DLGAP2: variants seen among roughly 807,000 people sequenced by gnomAD.
The protein encoded by DLGAP2 is disks large-associated protein 2.
DLGAP2 carries 26 observed loss-of-function variants against 100.3 expected under a neutral mutation model. The observed-to-expected ratio is 0.26, with a 90% CI of 0.19 to 0.36. DLGAP2 has a LOEUF of 0.36. Among genes scored for constraint, DLGAP2 ranks in the 10% least tolerant of loss-of-function variants. The probability of loss-of-function intolerance (pLI) is 1.00; values close to 1 mark genes in which losing one functional copy is unlikely to be tolerated. For synonymous variants in DLGAP2, 886 were observed against 630.1 expected, an observed-to-expected ratio of 1.41 and a Z score of -6.08; for missense variants, 1,858 against 1,453.2, an observed-to-expected ratio of 1.28 and a Z score of -4.53.
intron 2 of DLGAP2, among the ~76,000 whole-genome samples, chr8:1,151,543 G>A (rs945638250): frequency 2.6e-5 from 4 of 152,192 alleles, no homozygotes; most frequent in Non-Finnish European, 5.9e-5. Context: ...CAGGCTTTCC[G>A]TCTCTGACGA....
chr8:846,241 C>G (rs972319438), intron 1 of DLGAP2, among the ~76,000 whole-genome samples: 2 of 152,166 alleles, frequency 1.3e-5, no homozygotes, highest in African/African-American at 4.8e-5. Context: ...CTTAGTCTTC[C>G]TATCTAACTG....
At chr8:1,194,410 G>A (rs1415925659) in intron 2 of DLGAP2, among the ~76,000 whole-genome samples, 1 of 152,278 alleles carries the variant, frequency 6.6e-6, no homozygotes, top group East Asian at 1.9e-4. Context: ...ACCGTGTCTA[G>A]GCAGAGCTGG....
intron 3 of DLGAP2, among the ~76,000 whole-genome samples, chr8:1,323,014 G>T (rs144616389): frequency 6.6e-6 from 1 of 151,628 alleles, no homozygotes; most frequent in African/African-American, 2.4e-5. Flanking sequence ...AGTAGATGTT[G>T]ACACTGTTAA....
At chr8:1,116,896 A>C (rs1805134948) in intron 2 of DLGAP2, among the ~76,000 whole-genome samples, 1 of 152,248 alleles carries the variant, frequency 6.6e-6, no homozygotes, top group Non-Finnish European at 1.5e-5. Context: ...AACACAGTTG[A>C]TGGGAAGACA....
intron 2 of DLGAP2, among the ~76,000 whole-genome samples, chr8:1,001,386 C>T (rs1800951180): frequency 6.6e-6 from 1 of 152,190 alleles, no homozygotes; most frequent in South Asian, 2.1e-4. Flanking sequence ...TAATTTTTAT[C>T]CTTTTTAGGC....
intron 3 of DLGAP2, among the ~76,000 whole-genome samples, chr8:1,449,496 G>A (rs1015239716): frequency 6.6e-6 from 1 of 152,182 alleles, no homozygotes; most frequent in African/African-American, 2.4e-5. Flanking sequence ...GCATGGACCT[G>A]GGATGTCAGA....
intron 1 of DLGAP2, among the ~76,000 whole-genome samples, chr8:842,590 T>A (rs1003484611): frequency 1.3e-5 from 2 of 150,828 alleles, no homozygotes; most frequent in African/African-American, 4.9e-5. Context: ...AGTCAAACTT[T>A]TAAGTTTTCA....
intron 6 of DLGAP2, among the ~76,000 whole-genome samples, chr8:1,572,415 G>A (rs528489520): frequency 1.8e-4 from 26 of 142,306 alleles, no homozygotes; most frequent in African/African-American, 6.4e-4. Context: ...GGTGAACTGT[G>A]GGGGCATCTG....
chr8:1,672,111 T>C (rs1444141262), intron 10 of DLGAP2, among the ~76,000 whole-genome samples: 1 of 152,238 alleles, frequency 6.6e-6, no homozygotes, highest in Non-Finnish European at 1.5e-5. Context: ...TCCCAGATAC[T>C]GCGGTTAGGA....
intron 1 of DLGAP2, among the ~76,000 whole-genome samples, chr8:805,138 G>A (rs10102826): frequency 0.99 from 151,227 of 152,334 alleles, 75,076 homozygotes; most frequent in Middle Eastern, 1. Flanking sequence ...TTGCCCCCTA[G>A]GCAAACTATT....
intron 8 of DLGAP2, among the ~76,000 whole-genome samples, chr8:1,634,384 G>T (rs1054235960): frequency 3.9e-5 from 6 of 152,164 alleles, no homozygotes; most frequent in African/African-American, 1.2e-4. Context: ...GTACGAGGGA[G>T]GGTGGTGCCC....
At chr8:882,875 G>T (rs1049403412) in intron 1 of DLGAP2, among the ~76,000 whole-genome samples, 2 of 152,264 alleles carry the variant, frequency 1.3e-5, no homozygotes, top group Admixed American at 1.3e-4. Context: ...CTTCTCGGCT[G>T]CTCACGCTGC....
chr8:1,196,419 T>C (rs1192741759), intron 2 of DLGAP2, among the ~76,000 whole-genome samples: 1 of 152,188 alleles, frequency 6.6e-6, no homozygotes, highest in Non-Finnish European at 1.5e-5. Flanking sequence ...AGGTGTGTGA[T>C]GTTAATGCTG....
At chr8:976,300 A>G (rs916258752) in intron 2 of DLGAP2, among the ~76,000 whole-genome samples, 3 of 152,166 alleles carry the variant, frequency 2.0e-5, no homozygotes, top group African/African-American at 7.2e-5. Flanking sequence ...ATAGAACACA[A>G]TGGAAAGCCC....
At chr8:1,106,244 G>A (rs1476003178) in intron 2 of DLGAP2, among the ~76,000 whole-genome samples, 1 of 150,938 alleles carries the variant, frequency 6.6e-6, no homozygotes, top group Non-Finnish European at 1.5e-5. Flanking sequence ...ATTCTAGGAG[G>A]GTTTTCTATT....
chr8:917,394 A>G (rs1798617259), intron 2 of DLGAP2, among the ~76,000 whole-genome samples: 1 of 151,946 alleles, frequency 6.6e-6, no homozygotes, highest in South Asian at 2.1e-4. Flanking sequence ...GTGCGCCACC[A>G]CACCCAGCTA....
At chr8:763,039 T>G (rs955983854) in intron 1 of DLGAP2, among the ~76,000 whole-genome samples, 6 of 151,826 alleles carry the variant, frequency 4.0e-5, no homozygotes, top group African/African-American at 1.5e-4. Flanking sequence ...TTGCAATACT[T>G]CACGAGTTAT....
chr8:1,425,590 C>G (rs530687516), intron 3 of DLGAP2, among the ~76,000 whole-genome samples: 30 of 152,292 alleles, frequency 2.0e-4, no homozygotes, highest in Admixed American at 2.0e-3. Flanking sequence ...GTGGACCTCT[C>G]CAGATCCCGG....
chr8:1,501,632 G>C (rs1251043280), intron 4 of DLGAP2, among the ~76,000 whole-genome samples: 1 of 152,208 alleles, frequency 6.6e-6, no homozygotes, highest in Non-Finnish European at 1.5e-5. Flanking sequence ...GTGAGGAAGG[G>C]CTGCTCCTGG....
Sources: gnomAD v4.1 joint callset for allele counts (sites outside exome capture counted in the v4.1 genomes callset) on GRCh38, gnomAD v4.1.1 for gene constraint, MANE v1.5 for transcripts, NCBI Gene and HGNC (gene_info 2026-07-23, HGNC 2026-07-21) for gene names.